The following DPH6 variants were observed in gnomAD, a reference collection of about 807,000 sequenced individuals.
DPH6 encodes diphthine--ammonia ligase.
DPH6 carries 33 observed loss-of-function variants against 38.2 expected under a neutral mutation model. That is an observed-to-expected ratio of 0.86 (90% CI 0.65 to 1.15). The LOEUF (loss-of-function observed/expected upper bound fraction) is 1.15, where lower values mean the gene tolerates loss of function less well. Among genes scored for constraint, DPH6 ranks in the 50% most tolerant of loss-of-function variants. The probability of loss-of-function intolerance (pLI) is 0.00; values close to 1 mark genes in which losing one functional copy is unlikely to be tolerated. For missense variants in DPH6, 325 were observed against 320.0 expected, an observed-to-expected ratio of 1.02 and a Z score of -0.12; for synonymous variants, 108 against 103.0, an observed-to-expected ratio of 1.05 and a Z score of -0.30.
chr15:35,442,051 T>G (rs779796858), intron 5 of DPH6, among the ~76,000 whole-genome samples: 1 of 151,568 alleles, frequency 6.6e-6, no homozygotes, highest in African/African-American at 2.4e-5. Flanking sequence ...ACGTCAAAAC[T>G]AAAAATGTTT....
intron 3 of DPH6, chr15:35,299,549 G>C: frequency 3.8e-6 from 2 of 526,594 alleles, no homozygotes; most frequent in Non-Finnish European, 6.7e-6. Flanking sequence ...ACCCTCCGCT[G>C]AGTCCGCGGG....
intron 3 of DPH6, among the ~76,000 whole-genome samples, chr15:35,513,707 A>T (rs2054807041): frequency 6.6e-6 from 1 of 151,944 alleles, no homozygotes; most frequent in Non-Finnish European, 1.5e-5. Context: ...AACTTTATAG[A>T]TCCTAACTTT....
intron 6 of DPH6, among the ~76,000 whole-genome samples, chr15:35,391,209 T>C (rs8026581): frequency 6.6e-6 from 1 of 152,156 alleles, no homozygotes; most frequent in Admixed American, 6.5e-5. Flanking sequence ...GGAAGTTTTT[T>C]CTCAGAGGAG....
chr15:35,292,865 T>C (rs990760997), intron 3 of DPH6, among the ~76,000 whole-genome samples: 1 of 152,200 alleles, frequency 6.6e-6, no homozygotes, highest in Non-Finnish European at 1.5e-5. Flanking sequence ...TGTCGTAATA[T>C]GTTTACTTTG....
intron 7 of DPH6, among the ~76,000 whole-genome samples, chr15:35,376,880 C>T (rs2052788602): frequency 6.6e-6 from 1 of 152,136 alleles, no homozygotes; most frequent in African/African-American, 2.4e-5. Context: ...TACTCTGGTG[C>T]TTGCAAAATG....
intron 3 of DPH6, among the ~76,000 whole-genome samples, chr15:35,316,068 T>C (rs182306241): frequency 6.6e-6 from 1 of 152,180 alleles, no homozygotes; most frequent in Non-Finnish European, 1.5e-5. Flanking sequence ...TGAAGATAAA[T>C]TGATTAATAG....
In DPH6 at chr15:35,349,204, T is replaced by A. The variant is rs142996768; in HGVS notation, n.208-18127A>T. ...CCAACACTACGTTGAATAGAAGTGG[T>A]GAGAGAGGGCATCCTTCCCTTGTTA... On this transcript the variant is annotated intron_variant and non_coding_transcript_variant, in intron 3 of 3. Transcript: ENST00000558973. Among the ~76,000 whole-genome samples, 448 of 152,252 alleles carry A rather than the reference T, an allele frequency of 2.9e-3. 1 individual carries two copies. Among genetic ancestry groups the A allele is most frequent in the African/African-American group, 9.9e-3 (412 of 41,552 alleles).
chr15:35,237,806 G>A lies in DPH6; in HGVS notation n.201-17224C>T, dbSNP rs953356929. The A allele has an allele frequency of 4.5e-5, 72 of 1,586,630 alleles. No individual in the cohort carries two copies. The Admixed American group carries it at 5.2e-4, about 11-fold the overall frequency. ...CAAGGAGGCCCCTAACTTGGATGCT[G>A]AGGGCTACGTGGAGGGCCTGGAGGA... On this transcript the variant is annotated intron_variant and non_coding_transcript_variant, in intron 3 of 3. Coordinates refer to the DPH6 transcript ENST00000560386.
At chr15:35,229,905 C>T (rs2051505404) in intron 3 of DPH6, among the ~76,000 whole-genome samples, 1 of 152,224 alleles carries the variant, frequency 6.6e-6, no homozygotes, top group African/African-American at 2.4e-5. Flanking sequence ...CTCTTCCTCT[C>T]TGTTTTGAGC....
chr15:35,377,826 A>C (rs1381737782), intron 7 of DPH6, among the ~76,000 whole-genome samples: 2 of 152,100 alleles, frequency 1.3e-5, no homozygotes, highest in Non-Finnish European at 2.9e-5. Context: ...AAGGTATCTC[A>C]TAATAAACTT....
rs2053973917 is a variant in DPH6 at position 35,454,638 on chromosome 15, A to G, written c.386+109T>C. The G allele has an allele frequency of 3.4e-6, 3 of 871,018 alleles. No homozygotes were observed. The East Asian group carries it at 8.5e-5, about 25-fold the overall frequency. 54.0% of individuals were successfully genotyped at this position (871,018 alleles called of 1,614,324 possible). ...ATACACACATTTAGTTCCATGGAGC[A>G]CGTAGACTACCATACCTATTTATAA... On this transcript the variant is annotated intron_variant, in intron 4 of 8. Coordinates refer to ENST00000256538, the MANE Select transcript of DPH6 (RefSeq NM_080650.4).
chr15:35,439,286 T>C (rs1170204936), intron 5 of DPH6, among the ~76,000 whole-genome samples: 3 of 152,234 alleles, frequency 2.0e-5, no homozygotes, highest in Admixed American at 1.3e-4. Context: ...CTGATACTTA[T>C]TTTGTTTTCA....
At chr15:35,514,777 T>C (rs2054822427) in intron 3 of DPH6, among the ~76,000 whole-genome samples, 1 of 152,164 alleles carries the variant, frequency 6.6e-6, no homozygotes. Context: ...TTTCAAGATA[T>C]TAATCAAAAT....
intron 3 of DPH6, among the ~76,000 whole-genome samples, chr15:35,319,557 G>A (rs779016223): frequency 9.9e-5 from 15 of 151,956 alleles, no homozygotes; most frequent in South Asian, 2.1e-4. Context: ...GCTGGCCAAC[G>A]TGGAGAAACC....
At chr15:35,516,690 AT>A (rs997898162) in intron 3 of DPH6, among the ~76,000 whole-genome samples, 1 of 152,130 alleles carries the variant, frequency 6.6e-6, no homozygotes, top group Non-Finnish European at 1.5e-5. Context: ...AGTGTAACAG[AT>A]TTTCAACCAC....
intron 5 of DPH6, among the ~76,000 whole-genome samples, chr15:35,411,589 G>C (rs2053367775): frequency 6.6e-6 from 1 of 151,538 alleles, no homozygotes; most frequent in South Asian, 2.1e-4. Context: ...AGACAAGTGT[G>C]AGCAATATGA....
intron 3 of DPH6, among the ~76,000 whole-genome samples, chr15:35,514,714 T>C (rs1366237940): frequency 1.3e-5 from 2 of 152,190 alleles, no homozygotes; most frequent in Admixed American, 1.3e-4. Flanking sequence ...GAGAAACTTA[T>C]CTCTGAAAAA....
At chr15:35,271,917 C>T (rs977368901) in intron 3 of DPH6, among the ~76,000 whole-genome samples, 1 of 152,208 alleles carries the variant, frequency 6.6e-6, no homozygotes, top group Non-Finnish European at 1.5e-5. Flanking sequence ...AACTTGGCTT[C>T]ATCATTTATA....
chr15:35,165,326 T>C, the DPH6 span, among the ~76,000 whole-genome samples: 1 of 151,954 alleles, frequency 6.6e-6, no homozygotes, highest in South Asian at 2.1e-4. Context: ...CATCTTATTA[T>C]ATGGTTCACT....
Sources: allele counts gnomAD v4.1 joint callset (sites outside exome capture counted in the v4.1 genomes callset), GRCh38; gene constraint gnomAD v4.1.1; transcripts MANE v1.5; gene names NCBI Gene and HGNC (gene_info 2026-07-23, HGNC 2026-07-21).